ITPR2: variants seen among roughly 807,000 people sequenced by gnomAD.
ITPR2 encodes the protein inositol 1,4,5-trisphosphate-gated calcium channel ITPR2.
A neutral mutation model predicts 317.1 loss-of-function variants in ITPR2; 207 were observed. The ratio of observed to expected loss-of-function variants is 0.65; its 90% CI spans 0.58 to 0.73. ITPR2 has a LOEUF of 0.73. ITPR2 is among the 30% of genes least tolerant of loss of function. The pLI is 0.00. For synonymous variants in ITPR2, 1,156 were observed against 1,149.1 expected, an observed-to-expected ratio of 1.01 and a Z score of -0.12; for missense variants, 2,613 against 3,284.0, an observed-to-expected ratio of 0.80 and a Z score of 4.99.
At chr12:26,693,921 C>T (rs183772977) in intron 10 of ITPR2, among the ~76,000 whole-genome samples, 72 of 152,086 alleles carry the variant, frequency 4.7e-4, no homozygotes, top group Middle Eastern at 3.4e-3. Context: ...GTACATAAGA[C>T]GAACATCTTC....
At chr12:26,359,927 T>A (rs1207366473) in intron 55 of ITPR2, among the ~76,000 whole-genome samples, 1 of 152,158 alleles carries the variant, frequency 6.6e-6, no homozygotes, top group Non-Finnish European at 1.5e-5. Flanking sequence ...CTGTTCTGTA[T>A]CCCAAATACC....
intron 51 of ITPR2, 58 bp downstream of exon 51, chr12:26,415,245 G>T: frequency 9.0e-7 from 1 of 1,106,744 alleles, no homozygotes; most frequent in Non-Finnish European, 1.3e-6. Flanking sequence ...CTGTTAACAA[G>T]CTACACACAA....
At chr12:26,816,612 T>C (rs565679539) in intron 1 of ITPR2, among the ~76,000 whole-genome samples, 50 of 152,156 alleles carry the variant, frequency 3.3e-4, no homozygotes, top group African/African-American at 1.1e-3. Flanking sequence ...CCTTACAGAG[T>C]TTAAAGTATA....
chr12:26,589,008 T>G (rs1404084257), intron 32 of ITPR2, among the ~76,000 whole-genome samples: 4 of 152,206 alleles, frequency 2.6e-5, no homozygotes, highest in African/African-American at 9.6e-5. Context: ...TCAAATCCCC[T>G]GACTATCAAC....
chr12:26,355,893 G>C (rs2136567480), intron 55 of ITPR2, among the ~76,000 whole-genome samples: 1 of 152,306 alleles, frequency 6.6e-6, no homozygotes, highest in East Asian at 1.9e-4. Context: ...GGATGAAGGT[G>C]ATGTGCCAGG....
intron 45 of ITPR2, among the ~76,000 whole-genome samples, chr12:26,463,149 T>C (rs1942080640): frequency 3.3e-5 from 5 of 152,232 alleles, no homozygotes; most frequent in Admixed American, 6.5e-5. Context: ...TTCTCATGGG[T>C]TCACTTATAA....
Position 26,647,983 on chromosome 12 carries a change from A to T in ITPR2, c.2740+5993T>A, listed in dbSNP as rs574583003. 2.4e-4 allele frequency among the ~76,000 whole-genome samples: 36 copies of T among 152,240 alleles called. No homozygotes were observed. In the Middle Eastern group the frequency reaches 0.01, roughly 43 times the overall value. ...CGTGCCAACTATAAGCCATTGTGAC[A>T]GGGAGCAGCCACAGCCTGGAAGCTA... On this transcript the variant is annotated intron_variant, in intron 21 of 56. Coordinates refer to ENST00000381340, the MANE Select transcript of ITPR2 (RefSeq NM_002223.4).
chr12:26,483,998 A>T, intron 41 of ITPR2, 100 bp from the exon 42 acceptor site: 1 of 1,031,238 alleles, frequency 9.7e-7, no homozygotes, highest in Non-Finnish European at 1.4e-6. Context: ...TTTTCTTTGT[A>T]AGAAAAGTAT....
At chr12:26,490,381 T>C (rs1012035142) in intron 39 of ITPR2, among the ~76,000 whole-genome samples, 6 of 152,238 alleles carry the variant, frequency 3.9e-5, no homozygotes, top group Non-Finnish European at 2.9e-5. Context: ...CACAGAACCA[T>C]TCACTTCTGC....
chr12:26,772,247 A>G (rs1949857295), intron 2 of ITPR2, among the ~76,000 whole-genome samples: 1 of 151,560 alleles, frequency 6.6e-6, no homozygotes, highest in African/African-American at 2.4e-5. Context: ...CCTTCCCTAC[A>G]GGCACAAATC....
chr12:26,621,536 T>C (rs2136805231), intron 25 of ITPR2, among the ~76,000 whole-genome samples: 1 of 152,254 alleles, frequency 6.6e-6, no homozygotes, highest in South Asian at 2.1e-4. Flanking sequence ...GAGACTCTGT[T>C]TGAAAAGAGG....
At chr12:26,396,071 C>T (rs1328276844) in intron 54 of ITPR2, among the ~76,000 whole-genome samples, 2 of 151,560 alleles carry the variant, frequency 1.3e-5, no homozygotes, top group African/African-American at 2.4e-5. Context: ...GTGAGGTGAC[C>T]CAAGGGAAGA....
chr12:26,820,063 G>A (rs1950916264), intron 1 of ITPR2, among the ~76,000 whole-genome samples: 1 of 152,050 alleles, frequency 6.6e-6, no homozygotes, highest in South Asian at 2.1e-4. Flanking sequence ...AGCAGAGTGA[G>A]ACTCAGTCTC....
intron 34 of ITPR2, among the ~76,000 whole-genome samples, chr12:26,568,676 G>A (rs547461419): frequency 4.6e-5 from 7 of 152,258 alleles, no homozygotes; most frequent in South Asian, 4.2e-4. Flanking sequence ...TGACAGGTAG[G>A]GGGGAAAGGC....
chr12:26,404,397 C>T (rs12319704), intron 52 of ITPR2, among the ~76,000 whole-genome samples: 2,086 of 152,208 alleles, frequency 0.014, 35 homozygotes, highest in African/African-American at 0.048. Context: ...GACAATAAAA[C>T]ATTTTTAAAA....
chr12:26,826,181 G>A (rs187253279), intron 1 of ITPR2, among the ~76,000 whole-genome samples: 1,971 of 151,822 alleles, frequency 0.013, 36 homozygotes, highest in African/African-American at 0.045. Context: ...TGGAGGGATC[G>A]CTTGAGCCCA....
rs1046727063 is a variant in ITPR2, at chr12:26,688,629, T to C, written c.997-1997A>G. Among the ~76,000 whole-genome samples the C allele has an allele frequency of 3.3e-5, 5 of 152,096 alleles. No homozygotes were observed. In the East Asian group the frequency reaches 9.6e-4, roughly 29 times the overall value. ...TAGAGAACAAGAGGGGAGCAGTAGA[T>C]GGTGGTAATGAATGCTCAGCCCCAA... On this transcript the variant is annotated intron_variant, in intron 10 of 56. Transcript: ENST00000381340.
At chr12:26,809,487 C>A (rs1950695213) in intron 1 of ITPR2, among the ~76,000 whole-genome samples, 1 of 152,208 alleles carries the variant, frequency 6.6e-6, no homozygotes, top group Admixed American at 6.5e-5. Flanking sequence ...CCTCACTCTT[C>A]CCTATGAAAT....
Position 26,411,388 on chromosome 12 carries a change from G to T in ITPR2, c.7331C>A (p.Thr2444Asn). ...ACATGCTTCCATCATGGTAGTTAAA[G>T]TCATAGTAGGCACTTGATGACTGCC... The part of the protein sequence containing the change: ...VTGSHQVPTM[T>N]LTTMMEACAK... Residue 2444 changes from threonine (T) to asparagine (N), a missense_variant, in exon 52 of 57, where the codon ACT becomes AAT. By Grantham distance (65) the Thr-to-Asn change is moderately conservative. Around this residue, in one of 9 missense-constraint regions of ITPR2, gnomAD observed 113 missense variants for 129.2 expected, o/e 0.87. Transcript: ENST00000381340. 2 of 1,613,224 alleles carry T rather than the reference G, an allele frequency of 1.2e-6. No individual in the cohort carries two copies. The highest frequency in any genetic ancestry group is 8.5e-7 in the Non-Finnish European group (1 of 1,179,370).
Sources: gnomAD v4.1 joint callset for allele counts (sites outside exome capture counted in the v4.1 genomes callset) on GRCh38, gnomAD v4.1.1 for gene constraint, gnomAD v4.1.1 regional missense constraint, MANE v1.5 for transcripts, NCBI Gene and HGNC (gene_info 2026-07-23, HGNC 2026-07-21) for gene names.